ACSS1: variants seen among roughly 807,000 people sequenced by gnomAD.
ACSS1 encodes acetyl-coenzyme A synthetase 2-like, mitochondrial.
Under a neutral mutation model 75.3 loss-of-function variants are expected in ACSS1, and 42 were observed. The observed-to-expected ratio is 0.56, with a 90% CI of 0.44 to 0.72. ACSS1 has a LOEUF of 0.72. ACSS1 is among the 30% of genes least tolerant of loss of function. ACSS1 has a pLI of 0.00. For missense variants in ACSS1, 782 were observed against 935.7 expected (o/e 0.84, Z 2.14); for synonymous variants, 380 against 376.8 (o/e 1.01, Z -0.10).
chr20:25,019,380 G>A (rs941046191), intron 7 of ACSS1, among the ~76,000 whole-genome samples: 1 of 152,204 alleles, frequency 6.6e-6, no homozygotes, highest in Non-Finnish European at 1.5e-5. Flanking sequence ...ATTACCAATA[G>A]GCCTAAGCTT....
In ACSS1 at chr20:25,020,022, T is replaced by G. The variant is rs750360558; in HGVS notation, c.1234A>C (p.Thr412Pro). Reference protein sequence around the residue: ...VKKYDRSSLRTLGSVGEPINC... With the variant: ...VKKYDRSSLRPLGSVGEPINC... ...GCAGGCCGCTCACCTGACCCCAGGG[T>G]CCGCAGGGAGGAGCGATCATACTTC... Residue 412 changes from threonine to proline, a missense_variant, in exon 7 of 14, where the codon ACC becomes CCC. Physicochemically the swap from Thr to Pro is conservative, Grantham distance 38. Coordinates refer to ENST00000323482, the MANE Select transcript of ACSS1 (RefSeq NM_032501.4). 6.2e-7 allele frequency: 1 copy of G among 1,614,112 alleles called. No individual in the cohort carries two copies. Among genetic ancestry groups the G allele is most frequent in the East Asian group, 2.2e-5 (1 of 44,868 alleles).
At chr20:25,012,192 G>A (rs1303086493) in intron 12 of ACSS1, 2 of 273,350 alleles carry the variant, frequency 7.3e-6, no homozygotes, top group Non-Finnish European at 1.4e-5. Context: ...GCACACACGC[G>A]TGGCGGCTGC....
At chr20:25,033,282 C>T (rs894611855) in intron 2 of ACSS1, among the ~76,000 whole-genome samples, 1 of 152,194 alleles carries the variant, frequency 6.6e-6, no homozygotes, top group Admixed American at 6.5e-5. Context: ...GTTCTGCAGA[C>T]GGAGGGCAGC....
intron 2 of ACSS1, chr20:25,031,207 G>A (rs996876357): frequency 1.2e-4 from 66 of 568,356 alleles, no homozygotes; most frequent in East Asian, 2.8e-4. Flanking sequence ...CCTTAAGTCC[G>A]CTTACGGCAG....
intron 7 of ACSS1, 134 bp downstream of exon 7, chr20:25,019,876 A>C (rs2088587211): frequency 1.5e-6 from 2 of 1,325,014 alleles, no homozygotes; most frequent in African/African-American, 2.9e-5. Flanking sequence ...TTTCTACCAG[A>C]TCCGGTCTGG....
At chr20:25,047,000 A>T (rs1316201056) in intron 2 of ACSS1, 4 of 750,984 alleles carry the variant, frequency 5.3e-6, no homozygotes, top group African/African-American at 5.1e-5. Flanking sequence ...GGCCGAGGGG[A>T]GGAACGAGCA....
Position 25,023,641 on chromosome 20 carries a change from G to A in ACSS1, c.632C>T (p.Ala211Val), listed in dbSNP as rs1168112471. The change falls in exon 4 of 14, where the codon GCC becomes GTC. Residue 211 changes from alanine to valine, a missense_variant and splice_region_variant. Transcript: ENST00000323482. The stretch of plus-strand genomic sequence containing the variant: ...GAAGGTGATAACCACCTTGCACTTG[G>A]CTAACAGAGACAACACAGACATTTC... ...AESLAGRIND[A>V]KCKVVITFNQ... 13 of 1,596,754 alleles carry A rather than the reference G, an allele frequency of 8.1e-6. No homozygotes were observed. Among genetic ancestry groups the A allele is most frequent in the Non-Finnish European group, 1.0e-5 (12 of 1,170,622 alleles).
At chr20:25,022,631 G>A (rs781600817) in intron 5 of ACSS1, among the ~76,000 whole-genome samples, 21 of 152,232 alleles carry the variant, frequency 1.4e-4, no homozygotes, top group Non-Finnish European at 2.6e-4. Flanking sequence ...TTTAATTTGG[G>A]TGGTTTTCTC....
chr20:25,011,012 G>C (rs1012518318), intron 12 of ACSS1: 10 of 152,194 alleles, frequency 6.6e-5, no homozygotes, highest in Non-Finnish European at 1.0e-4. Context: ...CATAATTATA[G>C]AATGGATACT....
intron 2 of ACSS1, among the ~76,000 whole-genome samples, chr20:25,040,465 TA>T (rs1486887486): frequency 2.6e-5 from 4 of 152,244 alleles, no homozygotes; most frequent in African/African-American, 9.6e-5. Context: ...CCACTTGGCA[TA>T]CCTGCCTCGG....
rs2089262259 is a variant in ACSS1, at chr20:25,057,658, T to A, written c.334+111A>T. ...GACGGAATACCGGAGGAGGGGCCCC[T>A]GCAGGGCTGCGATCCGCGCTGCCCG... On this transcript the variant is annotated intron_variant, in intron 1 of 13. Transcript: ENST00000323482. The A allele has an allele frequency of 2.7e-6, 3 of 1,117,814 alleles. No homozygotes were observed. In the East Asian group the frequency reaches 8.4e-5, roughly 31 times the overall value. The allele number at this position is 1,117,814 out of a possible 1,614,324, so 69.2% of individuals were successfully genotyped here. A position where few individuals can be genotyped will look rare whatever the true frequency, so the allele number is the denominator to read the frequency against.
At chr20:25,034,871 G>A (rs1203097048) in intron 2 of ACSS1, among the ~76,000 whole-genome samples, 4 of 151,472 alleles carry the variant, frequency 2.6e-5, no homozygotes, top group African/African-American at 7.3e-5. Context: ...ACGCCAGGCC[G>A]ACCATATGGA....
At position 25,048,153 on chromosome 20, in the gene ACSS1, C is replaced by T. The variant is rs778921595; in HGVS notation, c.363G>A (p.Lys121=). 2.5e-6 allele frequency: 4 copies of T among 1,613,608 alleles called. No individual in the cohort carries two copies. In the South Asian group the frequency reaches 3.3e-5, roughly 13 times the overall value. The part of the protein sequence containing the change: ...SVNCLDQHVR[K]SPESVALIWE... Reference sequence around the variant, plus strand: ...AGATCAAAGCAACGCTCTCGGGGGACTTCCGAACATGCTGGTCCAAGCAGT... The same window carrying T: ...AGATCAAAGCAACGCTCTCGGGGGATTTCCGAACATGCTGGTCCAAGCAGT... The change falls in exon 2 of 14, where the codon AAG becomes AAA. Residue 121 remains lysine (K), a synonymous_variant. Coordinates refer to ENST00000323482, the MANE Select transcript of ACSS1 (RefSeq NM_032501.4).
At chr20:25,040,324 T>TG (rs753925067) in intron 2 of ACSS1, among the ~76,000 whole-genome samples, 2 of 152,172 alleles carry the variant, frequency 1.3e-5, no homozygotes, top group African/African-American at 2.4e-5. Flanking sequence ...GGACGCAGGT[T>TG]GGGGGTCCTT....
intron 2 of ACSS1, among the ~76,000 whole-genome samples, chr20:25,038,681 C>T (rs1268907760): frequency 6.6e-6 from 1 of 152,158 alleles, no homozygotes; most frequent in Non-Finnish European, 1.5e-5. Flanking sequence ...CTGCTCCATG[C>T]CCCCAAGGCA....
intron 2 of ACSS1, among the ~76,000 whole-genome samples, chr20:25,039,486 G>T (rs1156449466): frequency 6.6e-6 from 1 of 152,198 alleles, no homozygotes; most frequent in Non-Finnish European, 1.5e-5. Context: ...AGCAAGAGAA[G>T]TGCCCAAAGT....
chr20:25,037,375 G>T (rs2122712268), intron 2 of ACSS1, among the ~76,000 whole-genome samples: 1 of 152,274 alleles, frequency 6.6e-6, no homozygotes, highest in Middle Eastern at 3.4e-3. Flanking sequence ...CATCACGCTG[G>T]CATGAAGATG....
intron 2 of ACSS1, chr20:25,046,601 G>C (rs887769128): frequency 3.5e-6 from 2 of 568,974 alleles, no homozygotes; most frequent in Admixed American, 6.1e-5. Context: ...CTTAGCCCCC[G>C]ACCCCCAACA....
At chr20:25,020,239 A>G in intron 6 of ACSS1, 92 bp from the exon 7 acceptor site, 1 of 1,558,582 alleles carries the variant, frequency 6.4e-7, no homozygotes. Context: ...AGTGCTGGGC[A>G]TGTGCAGACG....
Sources: allele counts gnomAD v4.1 joint callset (sites outside exome capture counted in the v4.1 genomes callset), GRCh38; gene constraint gnomAD v4.1.1; transcripts MANE v1.5; gene names NCBI Gene and HGNC (gene_info 2026-07-23, HGNC 2026-07-21).